Variants in RANBP2 observed in about 807,000 individuals in gnomAD.
RANBP2 encodes the protein E3 SUMO-protein ligase RanBP2.
RANBP2 carries 57 observed loss-of-function variants against 303.6 expected under a neutral mutation model. The ratio of observed to expected loss-of-function variants is 0.19; its 90% CI spans 0.15 to 0.23. RANBP2 has a LOEUF of 0.23. Among genes scored for constraint, RANBP2 ranks in the 10% least tolerant of loss-of-function variants. The pLI, the probability that RANBP2 is intolerant of heterozygous loss-of-function variation, is 1.00. For synonymous variants in RANBP2, 1,167 were observed against 1,301.5 expected (o/e 0.90, Z 2.23); for missense variants, 3,138 against 3,780.8 (o/e 0.83, Z 4.46).
At chr2:109,491,059 A>G in the RANBP2 span, 7 of 908,206 alleles carry the variant, frequency 7.7e-6, no homozygotes, top group Non-Finnish European at 7.6e-6. Context: ...ATGTACCTCA[A>G]CACCCAGATC....
the RANBP2 span, among the ~76,000 whole-genome samples, chr2:108,821,257 C>T: frequency 6.6e-6 from 1 of 152,038 alleles, no homozygotes; most frequent in Admixed American, 6.5e-5. Context: ...ACTTTTGAGG[C>T]CGAGGCAGGA....
At chr2:108,910,887 CGACAGGGGGAGTT>C in the RANBP2 span, 1 of 1,613,862 alleles carries the variant, frequency 6.2e-7, no homozygotes, top group Non-Finnish European at 8.5e-7. Flanking sequence ...CCAGGCTCTC[CGACAGGGGGAGTT>C]GACGGAGAGT....
the RANBP2 span, among the ~76,000 whole-genome samples, chr2:109,253,428 G>A: frequency 2.0e-5 from 3 of 152,196 alleles, no homozygotes; most frequent in Non-Finnish European, 4.4e-5. Flanking sequence ...GTTTCAGGAC[G>A]TGGGCGCTGC....
At chr2:109,336,823 C>T in the RANBP2 span, among the ~76,000 whole-genome samples, 8 of 152,216 alleles carry the variant, frequency 5.3e-5, no homozygotes, top group African/African-American at 1.4e-4. Context: ...AATGGGGTGC[C>T]GAGGGACCCT....
chr2:109,616,140 G>C, the RANBP2 span: 5 of 1,414,406 alleles, frequency 3.5e-6, no homozygotes, highest in East Asian at 1.3e-4. Flanking sequence ...GTAAGGAAGT[G>C]AGACCAGAAG....
the RANBP2 span, among the ~76,000 whole-genome samples, chr2:109,652,085 G>A: frequency 6.6e-6 from 1 of 152,190 alleles, no homozygotes; most frequent in African/African-American, 2.4e-5. Context: ...ACGGTAGTGG[G>A]TTGCTTACAT....
the RANBP2 span, among the ~76,000 whole-genome samples, chr2:108,833,820 A>G: frequency 6.9e-6 from 1 of 145,854 alleles, no homozygotes; most frequent in African/African-American, 2.6e-5. Context: ...CTCTGCCTCC[A>G]AGGTTCACGC....
At chr2:109,213,544 CAG>C in the RANBP2 span, among the ~76,000 whole-genome samples, 4 of 152,196 alleles carry the variant, frequency 2.6e-5, no homozygotes, top group Non-Finnish European at 5.9e-5. Flanking sequence ...TATCACCTAA[CAG>C]GGGGCTGGGC....
chr2:109,203,913 T>A, the RANBP2 span, among the ~76,000 whole-genome samples: 1 of 152,178 alleles, frequency 6.6e-6, no homozygotes, highest in East Asian at 1.9e-4. Flanking sequence ...GCAGGGCTGA[T>A]GTGTGTGCTG....
At chr2:109,326,129 A>G in the RANBP2 span, among the ~76,000 whole-genome samples, 1 of 152,216 alleles carries the variant, frequency 6.6e-6, no homozygotes, top group Non-Finnish European at 1.5e-5. Context: ...ATGTGGGTCT[A>G]CATTGTTTAT....
the RANBP2 span, among the ~76,000 whole-genome samples, chr2:108,979,467 T>TCTCTCTCACA: frequency 4.8e-5 from 7 of 147,112 alleles, no homozygotes; most frequent in Admixed American, 2.7e-4. Flanking sequence ...TCTCTCTCTC[T>TCTCTCTCACA]CACACACACA....
chr2:109,676,147 G>A, the RANBP2 span, among the ~76,000 whole-genome samples: 8 of 152,306 alleles, frequency 5.3e-5, no homozygotes, highest in African/African-American at 1.4e-4. Context: ...AGAGCCAGAG[G>A]GCCCCTGTGC....
chr2:109,112,060 C>G, the RANBP2 span, among the ~76,000 whole-genome samples: 2 of 151,968 alleles, frequency 1.3e-5, no homozygotes, highest in East Asian at 3.9e-4. Context: ...GGTTCCAAGT[C>G]TTTGCTATTG....
chr2:108,931,753 T>C, the RANBP2 span, among the ~76,000 whole-genome samples: 1 of 152,154 alleles, frequency 6.6e-6, no homozygotes, highest in Admixed American at 6.5e-5. Context: ...GTTTTTTCAC[T>C]TTCTGAATGG....
chr2:109,315,395 A>G, the RANBP2 span, among the ~76,000 whole-genome samples: 1 of 152,258 alleles, frequency 6.6e-6, no homozygotes, highest in African/African-American at 2.4e-5. Flanking sequence ...TTCAAAACAA[A>G]GTAAACCTCT....
chr2:108,928,133 G>T, the RANBP2 span, among the ~76,000 whole-genome samples: 2 of 152,056 alleles, frequency 1.3e-5, no homozygotes, highest in African/African-American at 4.8e-5. Flanking sequence ...CTGCCCTCCT[G>T]CCCAGCTTGT....
the RANBP2 span, among the ~76,000 whole-genome samples, chr2:109,397,404 A>AT: frequency 6.6e-6 from 1 of 152,110 alleles, no homozygotes; most frequent in Non-Finnish European, 1.5e-5. Context: ...TCCCATGATG[A>AT]TTCTAGTATC....
At chr2:109,180,643 C>A in the RANBP2 span, among the ~76,000 whole-genome samples, 1 of 152,084 alleles carries the variant, frequency 6.6e-6, no homozygotes, top group East Asian at 1.9e-4. Flanking sequence ...AAGGAGAAAC[C>A]CTTTTTGCTT....
the RANBP2 span, among the ~76,000 whole-genome samples, chr2:108,986,035 G>T: frequency 6.6e-6 from 1 of 152,090 alleles, no homozygotes; most frequent in Non-Finnish European, 1.5e-5. Flanking sequence ...ACTGTACAGG[G>T]TCAGCTATCC....
Sources: gnomAD v4.1 joint callset for allele counts (sites outside exome capture counted in the v4.1 genomes callset) on GRCh38, gnomAD v4.1.1 for gene constraint, MANE v1.5 for transcripts, NCBI Gene and HGNC (gene_info 2026-07-23, HGNC 2026-07-21) for gene names.